Variants in ERI1 observed in about 807,000 individuals in gnomAD.
ERI1 encodes 3'-5' exoribonuclease 1.
In ERI1, 39 loss-of-function variants were observed where a neutral mutation model predicts 39.7. The observed-to-expected ratio is 0.98, with a 90% confidence interval of 0.76 to 1.28. The LOEUF is 1.28. Among genes scored for constraint, ERI1 ranks in the 50% most tolerant of loss-of-function variants. ERI1 has a pLI of 0.00. For synonymous variants in ERI1, 204 were observed against 149.6 expected (o/e 1.36, Z -2.65); for missense variants, 581 against 416.9 (o/e 1.39, Z -3.43).
At chr8:9,037,581 CA>C (rs1797892019), downstream of ERI1, among the ~76,000 whole-genome samples, 1 of 151,558 alleles carries the variant, frequency 6.6e-6, no homozygotes, top group African/African-American at 2.4e-5. Flanking sequence ...ACCTAAGACA[CA>C]ATGGGTGCTT....
chr8:9,017,809 C>G (rs1817466031), intron 4 of ERI1, among the ~76,000 whole-genome samples: 1 of 152,116 alleles, frequency 6.6e-6, no homozygotes, highest in African/African-American at 2.4e-5. Context: ...TCTATTTGTC[C>G]TGAAAGCCTT....
At chr8:9,095,962 A>T (rs560835876) in intron 3 of ERI1, among the ~76,000 whole-genome samples, 147 of 152,238 alleles carry the variant, frequency 9.7e-4, no homozygotes, top group African/African-American at 3.3e-3. Flanking sequence ...GGTCATCTGG[A>T]ATATAGAAAT....
At chr8:9,005,572 C>G (rs1043152770) in intron 1 of ERI1, among the ~76,000 whole-genome samples, 1 of 147,506 alleles carries the variant, frequency 6.8e-6, no homozygotes. Context: ...TGGAGTGCAG[C>G]GGCTCAGTCT....
intron 3 of ERI1, among the ~76,000 whole-genome samples, chr8:9,055,864 A>G (rs1002732941): frequency 2.0e-5 from 3 of 152,136 alleles, no homozygotes; most frequent in African/African-American, 7.2e-5. Flanking sequence ...CTTTATAGCT[A>G]GCTTTGAGGG....
intron 3 of ERI1, among the ~76,000 whole-genome samples, chr8:9,077,708 A>G (rs942153060): frequency 6.6e-6 from 1 of 152,290 alleles, no homozygotes; most frequent in East Asian, 1.9e-4. Flanking sequence ...CCTTTAGTCT[A>G]TTTTCCTGAG....
Position 9,015,117 on chromosome 8 carries a change from A to G in ERI1, c.499-1205A>G, listed in dbSNP as rs140956547. The stretch of plus-strand genomic sequence containing the variant: ...CTCCCAGAGTGCTGGGATTACAGGC[A>G]TTAGTCACCACATCTGGCCTCAGGT... On this transcript the variant is annotated intron_variant, in intron 3 of 6. Coordinates refer to ENST00000250263, the MANE Select transcript of ERI1 (RefSeq NM_153332.4). Among the ~76,000 whole-genome samples the G allele has an allele frequency of 5.6e-4, 86 of 152,310 alleles. 1 individual carries two copies. Among genetic ancestry groups the G allele is most frequent in the Middle Eastern group, 3.4e-3 (1 of 294 alleles).
intron 3 of ERI1, among the ~76,000 whole-genome samples, chr8:9,068,229 G>A (rs774879908): frequency 1.1e-4 from 17 of 152,220 alleles, no homozygotes; most frequent in East Asian, 1.9e-4. Flanking sequence ...TTAAAGAAGC[G>A]TTTCTGGAAA....
rs112737065 is a variant in ERI1, at chr8:9,093,782, G to C, written n.300-22566G>C. Among the ~76,000 whole-genome samples, 265 of 152,082 alleles carry C rather than the reference G, an allele frequency of 1.7e-3. 1 individual carries two copies. The highest frequency in any genetic ancestry group is 6.0e-3 in the African/African-American group (249 of 41,486). On this transcript the variant is annotated intron_variant and non_coding_transcript_variant, in intron 3 of 3. Transcript: ENST00000518663. ...AGTAGAGATGGAGTTTCACCACATTGTCCAGGCTGGTCTCGAACTCCTGAC... is the reference window on the plus strand; with the variant it reads ...AGTAGAGATGGAGTTTCACCACATTCTCCAGGCTGGTCTCGAACTCCTGAC...
At chr8:9,017,038 TTTTTTA>T (rs1378328952) in intron 4 of ERI1, among the ~76,000 whole-genome samples, 1 of 151,950 alleles carries the variant, frequency 6.6e-6, no homozygotes, top group African/African-American at 2.4e-5. Flanking sequence ...TTTGCATTTA[TTTTTTA>T]TTTTTATTTT....
chr8:9,094,134 T>G (rs186999902), intron 3 of ERI1, among the ~76,000 whole-genome samples: 1 of 152,326 alleles, frequency 6.6e-6, no homozygotes, highest in African/African-American at 2.4e-5. Flanking sequence ...CTGGAGAATA[T>G]TATCAAATAC....
In ERI1 at chr8:9,008,161, A is replaced by C; in HGVS notation, c.287+13A>C. 6.5e-7 allele frequency: 1 copy of C among 1,541,940 alleles called. No individual in the cohort carries two copies. The highest frequency in any genetic ancestry group is 8.7e-7 in the Non-Finnish European group (1 of 1,146,078). On this transcript the variant is annotated intron_variant, in intron 2 of 6. Coordinates refer to ENST00000250263, the MANE Select transcript of ERI1 (RefSeq NM_153332.4). Reference sequence around the variant, plus strand: ...AGCTTGAAACTAGGTAATTAAAAATAACTTATAAAATTATAAAAGTAGTAC... The same window carrying C: ...AGCTTGAAACTAGGTAATTAAAAATCACTTATAAAATTATAAAAGTAGTAC...
intron 6 of ERI1, among the ~76,000 whole-genome samples, chr8:9,025,848 C>A (rs1172064584): frequency 6.6e-6 from 1 of 151,798 alleles, no homozygotes; most frequent in Non-Finnish European, 1.5e-5. Context: ...TAATGAGATA[C>A]CTTAGAGATA....
At chr8:9,017,974 G>T (rs1817481718) in intron 4 of ERI1, among the ~76,000 whole-genome samples, 1 of 152,180 alleles carries the variant, frequency 6.6e-6, no homozygotes, top group South Asian at 2.1e-4. Context: ...CAGCTTAGAA[G>T]AGATTTCTCT....
intron 3 of ERI1, among the ~76,000 whole-genome samples, chr8:9,085,719 C>A (rs36022127): frequency 0.28 from 42,691 of 151,586 alleles, 6,566 homozygotes; most frequent in Non-Finnish European, 0.35. Context: ...AGTGATGAGA[C>A]AGTAAAAGTT....
chr8:9,022,830 A>G lies in ERI1; in HGVS notation c.807+2366A>G, dbSNP rs76921679. Among the ~76,000 whole-genome samples the G allele has an allele frequency of 9.2e-3, 1,406 of 152,266 alleles. 21 individuals carry two copies. The highest frequency in any genetic ancestry group is 0.032 in the African/African-American group (1,319 of 41,556). ...ACCCAGGTTCAACAATTAGAAACTCATGGCCAGTCATGTTTCATGTGTATC... is the reference window on the plus strand; with the variant it reads ...ACCCAGGTTCAACAATTAGAAACTCGTGGCCAGTCATGTTTCATGTGTATC... On this transcript the variant is annotated intron_variant, in intron 6 of 6. Transcript: ENST00000250263.
chr8:9,077,713 C>T (rs1341308712), intron 3 of ERI1, among the ~76,000 whole-genome samples: 1 of 152,226 alleles, frequency 6.6e-6, no homozygotes, highest in Non-Finnish European at 1.5e-5. Context: ...AGTCTATTTT[C>T]CTGAGTTAAG....
intron 2 of ERI1, among the ~76,000 whole-genome samples, chr8:9,009,786 C>G (rs920866980): frequency 2.6e-5 from 4 of 152,166 alleles, no homozygotes; most frequent in Non-Finnish European, 5.9e-5. Context: ...GATTCACCCC[C>G]CTCCCAAAGT....
chr8:9,041,705 T>G (rs187692074), intron 3 of ERI1, among the ~76,000 whole-genome samples: 9 of 152,210 alleles, frequency 5.9e-5, no homozygotes, highest in Non-Finnish European at 1.0e-4. Context: ...GGCAAGTTTA[T>G]AGCAATACGT....
At chr8:9,029,138 A>G (rs952142300) in intron 6 of ERI1, among the ~76,000 whole-genome samples, 2 of 152,142 alleles carry the variant, frequency 1.3e-5, no homozygotes, top group South Asian at 2.1e-4. Context: ...GTAATACACT[A>G]TAGAAAAATA....
Sources: allele counts gnomAD v4.1 joint callset (sites outside exome capture counted in the v4.1 genomes callset), GRCh38; gene constraint gnomAD v4.1.1; transcripts MANE v1.5; gene names NCBI Gene and HGNC (gene_info 2026-07-23, HGNC 2026-07-21).